Variants in RHOA observed in about 807,000 individuals in gnomAD.
RHOA encodes ras homolog family member A, also known as transforming protein RhoA.
A neutral mutation model predicts 17.5 loss-of-function variants in RHOA; 3 were observed. That is an observed-to-expected ratio of 0.17 (90% confidence interval 0.08 to 0.44). The LOEUF (loss-of-function observed/expected upper bound fraction) is 0.44, where lower values mean the gene tolerates loss of function less well. RHOA is among the 20% of genes least tolerant of loss of function. RHOA has a pLI of 0.99. For synonymous variants in RHOA, 98 were observed against 88.4 expected (o/e 1.11, Z -0.61); for missense variants, 56 against 242.3 (o/e 0.23, Z 5.10).
chr3:49,394,510 CCAGCT>C (rs1418860109), intron 1 of RHOA, among the ~76,000 whole-genome samples: 2 of 152,002 alleles, frequency 1.3e-5, no homozygotes, highest in African/African-American at 4.8e-5. Flanking sequence ...ACAACCATGC[CCAGCT>C]AATTTTTGTA....
intron 1 of RHOA, among the ~76,000 whole-genome samples, chr3:49,408,749 C>T (rs2048880756): frequency 6.6e-6 from 1 of 150,586 alleles, no homozygotes; most frequent in African/African-American, 2.4e-5. Flanking sequence ...GGCAGGTAAA[C>T]AAAGGAATAA....
intron 1 of RHOA, among the ~76,000 whole-genome samples, chr3:49,377,946 C>T (rs749683380): frequency 1.6e-4 from 24 of 151,622 alleles, no homozygotes; most frequent in Admixed American, 6.6e-4. Flanking sequence ...GTCAGGAGTT[C>T]GAGACCAGCC....
intron 2 of RHOA, among the ~76,000 whole-genome samples, chr3:49,370,613 C>T (rs2048133640): frequency 6.6e-6 from 1 of 152,116 alleles, no homozygotes; most frequent in African/African-American, 2.4e-5. Flanking sequence ...TGAAATAATG[C>T]ATCACGTAAG....
chr3:49,390,429 T>G (rs1041441562), intron 1 of RHOA, among the ~76,000 whole-genome samples: 1 of 151,998 alleles, frequency 6.6e-6, no homozygotes, highest in Non-Finnish European at 1.5e-5. Context: ...GCACCCAGCC[T>G]TAATTTTTGT....
chr3:49,392,833 C>G (rs2048532403), intron 1 of RHOA, among the ~76,000 whole-genome samples: 1 of 152,102 alleles, frequency 6.6e-6, no homozygotes, highest in Non-Finnish European at 1.5e-5. Context: ...GAAGACATAT[C>G]CACAATTTAA....
In RHOA at chr3:49,362,871, G is replaced by A. The variant is rs139236210; in HGVS notation, c.278-245C>T. 5.0e-3 allele frequency among the ~76,000 whole-genome samples: 762 copies of A among 152,218 alleles called. 5 individuals carry two copies. Among genetic ancestry groups the A allele is most frequent in the African/African-American group, 0.018 (729 of 41,550 alleles). On this transcript the variant is annotated intron_variant, in intron 3 of 4. Coordinates refer to ENST00000418115, the MANE Select transcript of RHOA (RefSeq NM_001664.4). ...CTGAGCATCTCTGTAGGTGGGGCCC[G>A]AGTAAGGGCTCTGGAGGAGCAAAAG... is the stretch of plus-strand genomic sequence containing the variant.
chr3:49,362,469 A>G (rs750282856), intron 4 of RHOA, 27 bp downstream of exon 4: 3 of 1,587,404 alleles, frequency 1.9e-6, no homozygotes, highest in South Asian at 1.1e-5. Flanking sequence ...CAAGAATACT[A>G]CAAGACAGTC....
At chr3:49,411,030 C>A (rs1458671630) in intron 1 of RHOA, among the ~76,000 whole-genome samples, 3 of 152,244 alleles carry the variant, frequency 2.0e-5, no homozygotes, top group Non-Finnish European at 4.4e-5. Context: ...TAGATCCAAT[C>A]AGTAACTAAG....
In RHOA at chr3:49,372,733, C is replaced by CAAA. The variant is rs11460016; in HGVS notation, c.156+2698_156+2700dup. On this transcript the variant is annotated intron_variant, in intron 2 of 4. Coordinates refer to ENST00000418115, the MANE Select transcript of RHOA (RefSeq NM_001664.4). ...TGGGCGACAGAGCGAGACTCTGTCT[C>CAAA]AAAAAAAAAAAAAAAAAAAAGGACT... 9.2e-3 allele frequency among the ~76,000 whole-genome samples: 767 copies of CAAA among 82,986 alleles called. 26 individuals are homozygous for CAAA. Among genetic ancestry groups the CAAA allele is most frequent in the African/African-American group, 0.029 (674 of 23,258 alleles). 54.4% of individuals were successfully genotyped at this position (82,986 alleles called of 152,430 possible). A position where few individuals can be genotyped will look rare whatever the true frequency, so the allele number is the denominator to read the frequency against.
At chr3:49,409,241 A>G (rs1256740313) in intron 1 of RHOA, among the ~76,000 whole-genome samples, 5 of 151,870 alleles carry the variant, frequency 3.3e-5, no homozygotes, top group African/African-American at 4.8e-5. Flanking sequence ...CTAAAAATAC[A>G]AAAGTTAGCC....
At chr3:49,395,367 A>C (rs2048597293) in intron 1 of RHOA, among the ~76,000 whole-genome samples, 1 of 152,106 alleles carries the variant, frequency 6.6e-6, no homozygotes, top group Admixed American at 6.6e-5. Flanking sequence ...TCTATTCTGT[A>C]AGGAAGGGAA....
intron 1 of RHOA, among the ~76,000 whole-genome samples, chr3:49,383,382 T>C (rs2048348089): frequency 6.8e-6 from 1 of 147,992 alleles, no homozygotes; most frequent in Non-Finnish European, 1.5e-5. Context: ...ATCACACCAC[T>C]GCACTCCAGC....
At chr3:49,364,169 G>A (rs1355876598) in intron 3 of RHOA, among the ~76,000 whole-genome samples, 1 of 151,854 alleles carries the variant, frequency 6.6e-6, no homozygotes, top group Non-Finnish European at 1.5e-5. Context: ...GGCCAACATG[G>A]TGAAACCCCA....
At chr3:49,398,567 T>C (rs1378052532) in intron 1 of RHOA, among the ~76,000 whole-genome samples, 3 of 151,618 alleles carry the variant, frequency 2.0e-5, no homozygotes, top group African/African-American at 7.3e-5. Context: ...CTCACGCCTG[T>C]AATCCCAGCA....
At chr3:49,364,815 T>C (rs1234807073) in intron 3 of RHOA, among the ~76,000 whole-genome samples, 1 of 144,332 alleles carries the variant, frequency 6.9e-6, no homozygotes, top group Non-Finnish European at 1.5e-5. Flanking sequence ...CTACTAATAA[T>C]ACAAAAATTA....
intron 2 of RHOA, 81 bp downstream of exon 2, chr3:49,375,353 C>G: frequency 7.2e-7 from 1 of 1,380,308 alleles, no homozygotes; most frequent in Non-Finnish European, 9.9e-7. Flanking sequence ...ACTGAAGAGG[C>G]AAAAAGCTCT....
intron 4 of RHOA, chr3:49,360,878 A>C (rs2107827133): frequency 3.3e-6 from 1 of 303,696 alleles, no homozygotes; most frequent in East Asian, 1.4e-4. Context: ...GATCAAGACC[A>C]TCCTGGCCAA....
intron 3 of RHOA, among the ~76,000 whole-genome samples, chr3:49,366,047 C>T (rs1258003323): frequency 2.0e-5 from 3 of 152,110 alleles, no homozygotes; most frequent in South Asian, 2.1e-4. Flanking sequence ...AAAGCGAGAC[C>T]CTGTCTCAAA....
intron 1 of RHOA, among the ~76,000 whole-genome samples, chr3:49,379,243 C>G (rs919679475): frequency 6.6e-6 from 1 of 152,094 alleles, no homozygotes; most frequent in Non-Finnish European, 1.5e-5. Context: ...ATGGATAGAT[C>G]TTGGAAATGT....
Sources: gnomAD v4.1 joint callset for allele counts (sites outside exome capture counted in the v4.1 genomes callset) on GRCh38, gnomAD v4.1.1 for gene constraint, MANE v1.5 for transcripts, NCBI Gene and HGNC (gene_info 2026-07-23, HGNC 2026-07-21) for gene names.